PTK2B: variants seen among roughly 807,000 people sequenced by gnomAD.
PTK2B encodes the protein protein-tyrosine kinase 2-beta.
Under a neutral mutation model 142.9 loss-of-function variants are expected in PTK2B, and 71 were observed. The ratio of observed to expected loss-of-function variants is 0.50; its 90% CI spans 0.41 to 0.61. The LOEUF (loss-of-function observed/expected upper bound fraction) is 0.61, where lower values mean the gene tolerates loss of function less well. Among genes scored for constraint, PTK2B ranks in the 20% least tolerant of loss-of-function variants. The probability of loss-of-function intolerance (pLI) is 0.00; values close to 1 mark genes in which losing one functional copy is unlikely to be tolerated. For synonymous variants in PTK2B, 519 were observed against 503.4 expected, an observed-to-expected ratio of 1.03 and a Z score of -0.42; for missense variants, 1,105 against 1,320.4, an observed-to-expected ratio of 0.84 and a Z score of 2.53.
chr8:27,433,006 T>C (rs1194072867), intron 10 of PTK2B, among the ~76,000 whole-genome samples: 1 of 152,158 alleles, frequency 6.6e-6, no homozygotes, highest in Admixed American at 6.5e-5. Context: ...TTTGTACTTT[T>C]AGTAGACACA....
At chr8:27,329,869 C>T (rs898627058) in intron 1 of PTK2B, among the ~76,000 whole-genome samples, 1 of 152,110 alleles carries the variant, frequency 6.6e-6, no homozygotes, top group Non-Finnish European at 1.5e-5. Flanking sequence ...TTCCTATTTG[C>T]AAGATGGAGA....
chr8:27,433,720 G>A (rs1402318402), intron 11 of PTK2B, among the ~76,000 whole-genome samples, 168 bp downstream of exon 11: 1 of 152,228 alleles, frequency 6.6e-6, no homozygotes, highest in Non-Finnish European at 1.5e-5. Context: ...TTTAAGCCCT[G>A]GCCGGTCCAC....
intron 1 of PTK2B, among the ~76,000 whole-genome samples, chr8:27,373,774 C>T (rs1177711807): frequency 1.3e-5 from 2 of 152,016 alleles, no homozygotes; most frequent in African/African-American, 4.8e-5. Flanking sequence ...GGCATCTTTT[C>T]AGGGCAGGGT....
intron 12 of PTK2B, 93 bp from the exon 13 acceptor site, chr8:27,434,420 C>A: frequency 7.3e-7 from 1 of 1,368,562 alleles, no homozygotes; most frequent in Non-Finnish European, 1.0e-6. Context: ...TACTTCTCCA[C>A]AGGGGGCAGG....
intron 2 of PTK2B, among the ~76,000 whole-genome samples, chr8:27,400,568 C>T (rs1364148372): frequency 2.0e-5 from 3 of 151,550 alleles, no homozygotes; most frequent in Admixed American, 1.3e-4. Context: ...GATAAATCAA[C>T]GTAATTGAGT....
chr8:27,360,975 G>C lies in PTK2B; in HGVS notation c.-38+35294G>C, dbSNP rs138769285. On this transcript the variant is annotated intron_variant, in intron 1 of 30. Transcript: ENST00000346049. ...AAACATAGGATTTGTGCTTTTTGTTGATATGAAGTTAAGGGGTACAAGTGA... is the reference window on the plus strand; with the variant it reads ...AAACATAGGATTTGTGCTTTTTGTTCATATGAAGTTAAGGGGTACAAGTGA... 6.9e-3 allele frequency among the ~76,000 whole-genome samples: 1,043 copies of C among 152,214 alleles called. 14 individuals carry two copies. The highest frequency in any genetic ancestry group is 0.024 in the African/African-American group (1,001 of 41,518).
intron 2 of PTK2B, among the ~76,000 whole-genome samples, chr8:27,401,660 A>G (rs904269486): frequency 1.3e-5 from 2 of 152,224 alleles, no homozygotes; most frequent in African/African-American, 4.8e-5. Context: ...AACCATGTTA[A>G]CCATTTTGGT....
At chr8:27,431,988 T>C (rs1455949189) in intron 9 of PTK2B, 2 of 370,994 alleles carry the variant, frequency 5.4e-6, no homozygotes, top group African/African-American at 5.0e-5. Context: ...GAGATTTTTT[T>C]GTGCGATTTT....
intron 26 of PTK2B, 21 bp downstream of exon 26, chr8:27,451,099 G>A (rs768968936): frequency 5.6e-6 from 9 of 1,608,344 alleles, no homozygotes; most frequent in African/African-American, 2.7e-5. Flanking sequence ...AGGAGAGGCC[G>A]CCTCCTCCAT....
chr8:27,397,731 C>T lies in PTK2B; in HGVS notation c.147C>T (p.Ser49=), dbSNP rs767839052. 3 of 1,614,282 alleles carry T rather than the reference C, an allele frequency of 1.9e-6. No individual in the cohort carries two copies. Among genetic ancestry groups the T allele is most frequent in the Non-Finnish European group, 2.5e-6 (3 of 1,180,046 alleles). The change falls in exon 2 of 31, where the codon AGC becomes AGT. Residue 49 remains serine (S), a synonymous_variant. Transcript: ENST00000346049. ...RILKVCFYSN[S]FNPGKNFKLV... ...TCAAGGTCTGCTTCTATAGCAACAG[C>T]TTCAATCCTGGGAAAAACTTCAAAC...
chr8:27,370,677 T>C lies in PTK2B; in HGVS notation c.-37-26871T>C, dbSNP rs76032028. 8.5e-4 allele frequency among the ~76,000 whole-genome samples: 129 copies of C among 152,324 alleles called. 2 individuals carry two copies. In the East Asian group the frequency reaches 0.023, roughly 27 times the overall value. On this transcript the variant is annotated intron_variant, in intron 1 of 30. Transcript: ENST00000346049. The stretch of plus-strand genomic sequence containing the variant: ...GCAAGGACAGGGAGTTCCTGGAAAC[T>C]GGGTATGTTGCCTCACGACCTTCTA...
At position 27,419,991 on chromosome 8, in the gene PTK2B, G is replaced by A; in HGVS notation, c.301G>A (p.Glu101Lys). ...GLRLKHMKSDEIHWLHPQMTV... is the reference protein window; with the variant it reads ...GLRLKHMKSDKIHWLHPQMTV... Reference sequence around the variant, plus strand: ...GAGGCTGAAGCACATGAAGTCCGATGAGATCCACTGGCTGCACCCACAGAT... The same window carrying A: ...GAGGCTGAAGCACATGAAGTCCGATAAGATCCACTGGCTGCACCCACAGAT... The change falls in exon 3 of 31, where the codon GAG becomes AAG. Residue 101 changes from glutamate (E) to lysine (K), a missense_variant. Transcript: ENST00000346049. 1 of 1,614,196 alleles carries A rather than the reference G, an allele frequency of 6.2e-7. No homozygotes were observed.
At chr8:27,338,450 C>T (rs1284668555) in intron 1 of PTK2B, among the ~76,000 whole-genome samples, 1 of 151,996 alleles carries the variant, frequency 6.6e-6, no homozygotes, top group Non-Finnish European at 1.5e-5. Flanking sequence ...ATATACTGCT[C>T]CAGTGGTGTG....
intron 1 of PTK2B, among the ~76,000 whole-genome samples, chr8:27,356,740 A>G (rs1310956060): frequency 6.6e-6 from 1 of 152,246 alleles, no homozygotes; most frequent in African/African-American, 2.4e-5. Flanking sequence ...AAATGAACAA[A>G]CTATTGACAC....
At chr8:27,391,061 C>T (rs1267148106) in intron 1 of PTK2B, among the ~76,000 whole-genome samples, 1 of 149,140 alleles carries the variant, frequency 6.7e-6, no homozygotes, top group Non-Finnish European at 1.5e-5. Flanking sequence ...TCCACTCTCT[C>T]TCAAATCAGG....
intron 2 of PTK2B, among the ~76,000 whole-genome samples, chr8:27,400,239 A>G (rs1185147233): frequency 2.0e-5 from 3 of 152,238 alleles, no homozygotes; most frequent in African/African-American, 7.2e-5. Context: ...AATTCTGAAC[A>G]GATTCTTTTG....
chr8:27,373,302 A>G (rs12679874), intron 1 of PTK2B, among the ~76,000 whole-genome samples: 65,864 of 151,998 alleles, frequency 0.43, 16,270 homozygotes, highest in African/African-American at 0.68. Context: ...CCTAGTCCCC[A>G]CACAGACTTC....
chr8:27,451,690 T>G, intron 27 of PTK2B, 181 bp downstream of exon 27: 2 of 1,451,912 alleles, frequency 1.4e-6, no homozygotes. Flanking sequence ...CTCCACCCCA[T>G]TCCTCTCCCT....
intron 18 of PTK2B, 172 bp downstream of exon 18, chr8:27,438,052 G>A (rs1810902103): frequency 1.6e-6 from 1 of 614,112 alleles, no homozygotes; most frequent in Admixed American, 2.8e-5. Flanking sequence ...GTCCTCATCT[G>A]TAAAGTTGCA....
Sources: allele counts gnomAD v4.1 joint callset (sites outside exome capture counted in the v4.1 genomes callset), GRCh38; gene constraint gnomAD v4.1.1; transcripts MANE v1.5; gene names NCBI Gene and HGNC (gene_info 2026-07-23, HGNC 2026-07-21).